ROBO2: variants seen among roughly 807,000 people sequenced by gnomAD.
ROBO2 encodes the protein roundabout homolog 2.
Under a neutral mutation model 160.8 loss-of-function variants are expected in ROBO2, and 53 were observed. That is an observed-to-expected ratio of 0.33 (90% CI 0.26 to 0.41). The LOEUF is 0.41. Ranked by LOEUF, ROBO2 falls within the 10% of genes least tolerant of loss-of-function variation. The pLI is 1.00. For missense variants in ROBO2, 1,577 were observed against 1,722.4 expected (o/e 0.92, Z 1.49); for synonymous variants, 664 against 611.7 (o/e 1.09, Z -1.26).
chr3:76,591,941 A>G (rs1170368561), intron 2 of ROBO2, among the ~76,000 whole-genome samples: 1 of 152,102 alleles, frequency 6.6e-6, no homozygotes, highest in Non-Finnish European at 1.5e-5. Flanking sequence ...AAATCCGACT[A>G]CACAGAGCTT....
chr3:76,718,821 T>TCACCAC (rs2093422390), intron 2 of ROBO2, among the ~76,000 whole-genome samples: 1 of 152,248 alleles, frequency 6.6e-6, no homozygotes, highest in Non-Finnish European at 1.5e-5. Flanking sequence ...CTTTATTCAC[T>TCACCAC]TGAAAACTGA....
At chr3:76,651,342 G>A (rs949144365) in intron 2 of ROBO2, among the ~76,000 whole-genome samples, 1 of 152,058 alleles carries the variant, frequency 6.6e-6, no homozygotes, top group African/African-American at 2.4e-5. Context: ...GTCCCTGTGA[G>A]GTATTCTAAG....
chr3:76,630,203 A>G (rs568287537), intron 2 of ROBO2, among the ~76,000 whole-genome samples: 1 of 152,260 alleles, frequency 6.6e-6, no homozygotes, highest in South Asian at 2.1e-4. Flanking sequence ...TTCCTTCCAC[A>G]TCACAAAGAT....
At chr3:77,416,063 G>A (rs916294933) in intron 2 of ROBO2, among the ~76,000 whole-genome samples, 4 of 152,146 alleles carry the variant, frequency 2.6e-5, no homozygotes, top group African/African-American at 9.6e-5. Flanking sequence ...AGAAGGATGA[G>A]ATTGCACAGA....
At chr3:77,236,762 A>T (rs1191770076) in intron 2 of ROBO2, among the ~76,000 whole-genome samples, 1 of 152,154 alleles carries the variant, frequency 6.6e-6, no homozygotes. Context: ...CCATAGTTTT[A>T]TCTTTTCCAC....
intron 2 of ROBO2, among the ~76,000 whole-genome samples, chr3:77,346,774 A>G (rs916241967): frequency 2.0e-5 from 3 of 152,012 alleles, no homozygotes; most frequent in Non-Finnish European, 4.4e-5. Flanking sequence ...TCCTCATCGG[A>G]TACCCACTTC....
At chr3:76,709,484 G>T (rs2093243063) in intron 2 of ROBO2, among the ~76,000 whole-genome samples, 1 of 152,172 alleles carries the variant, frequency 6.6e-6, no homozygotes, top group African/African-American at 2.4e-5. Flanking sequence ...ATTTTCACTT[G>T]TATCTCACCG....
intron 2 of ROBO2, among the ~76,000 whole-genome samples, chr3:76,016,164 A>G (rs1347091006): frequency 1.3e-5 from 2 of 152,132 alleles, no homozygotes; most frequent in Non-Finnish European, 2.9e-5. Context: ...GATTACCACA[A>G]TAAACATGGA....
chr3:77,454,545 G>A (rs989286181), intron 2 of ROBO2, among the ~76,000 whole-genome samples: 2 of 152,152 alleles, frequency 1.3e-5, no homozygotes, highest in African/African-American at 4.8e-5. Context: ...TGATGTTTAT[G>A]CTGTGACATC....
chr3:77,346,825 A>G (rs1040907867), intron 2 of ROBO2, among the ~76,000 whole-genome samples: 2 of 152,112 alleles, frequency 1.3e-5, no homozygotes, highest in African/African-American at 4.8e-5. Flanking sequence ...GTCCTTTTCA[A>G]TCTTCGAATC....
At chr3:76,800,100 G>T (rs1167038) in intron 2 of ROBO2, among the ~76,000 whole-genome samples, 76,059 of 152,064 alleles carry the variant, frequency 0.5, 20,136 homozygotes, top group African/African-American at 0.69. Flanking sequence ...TGACAAAGGT[G>T]TCAAGAACAT....
At chr3:77,375,928 G>T (rs552369303) in intron 2 of ROBO2, among the ~76,000 whole-genome samples, 1 of 150,246 alleles carries the variant, frequency 6.7e-6, no homozygotes, top group Admixed American at 6.6e-5. Flanking sequence ...AGCCAGAAAA[G>T]TCTAAGGTAG....
At chr3:77,156,121 C>T (rs2077986748) in intron 2 of ROBO2, among the ~76,000 whole-genome samples, 1 of 151,966 alleles carries the variant, frequency 6.6e-6, no homozygotes, top group Non-Finnish European at 1.5e-5. Context: ...ATTTCTTCAT[C>T]TCAACATCAT....
At chr3:76,732,997 G>T (rs13084922) in intron 2 of ROBO2, among the ~76,000 whole-genome samples, 81,958 of 130,214 alleles carry the variant, frequency 0.63, 24,316 homozygotes, top group African/African-American at 0.69. Flanking sequence ...CTGGGGGTGG[G>T]GGGGGGAGGT....
At chr3:77,235,077 C>A (rs1296215285) in intron 2 of ROBO2, among the ~76,000 whole-genome samples, 1 of 152,108 alleles carries the variant, frequency 6.6e-6, no homozygotes, top group Non-Finnish European at 1.5e-5. Flanking sequence ...AAGGTGCTTT[C>A]TTTATATCTT....
At chr3:76,153,752 A>G (rs950262057) in intron 2 of ROBO2, among the ~76,000 whole-genome samples, 2 of 152,150 alleles carry the variant, frequency 1.3e-5, no homozygotes, top group African/African-American at 2.4e-5. Flanking sequence ...TATGTCATCT[A>G]GAACTCAAGC....
intron 1 of ROBO2, among the ~76,000 whole-genome samples, chr3:77,043,207 A>G (rs2064272108): frequency 6.6e-6 from 1 of 152,156 alleles, no homozygotes. Flanking sequence ...TTACTCTTCC[A>G]GGATTCTATG....
chr3:77,486,405 C>A (rs1271650691), intron 4 of ROBO2, among the ~76,000 whole-genome samples: 1 of 152,172 alleles, frequency 6.6e-6, no homozygotes, highest in Non-Finnish European at 1.5e-5. Flanking sequence ...ATTCCTATTT[C>A]TCTGCGACCT....
In ROBO2 at chr3:76,956,521, C is replaced by T. The variant is rs549125476; in HGVS notation, c.110-141493C>T. ...GCAGTGAGCCGAGATCGCGCCACTG[C>T]ACTCCAGCCTGGGCGACAGAGCGAG... is the stretch of plus-strand genomic sequence containing the variant. On this transcript the variant is annotated intron_variant, in intron 2 of 26. Transcript: ENST00000487694. Among the ~76,000 whole-genome samples the T allele has an allele frequency of 5.1e-4, 75 of 148,144 alleles. 1 individual carries two copies. The highest frequency in any genetic ancestry group is 1.7e-3 in the African/African-American group (69 of 39,774).
Sources: gnomAD v4.1 joint callset for allele counts (sites outside exome capture counted in the v4.1 genomes callset) on GRCh38, gnomAD v4.1.1 for gene constraint, MANE v1.5 for transcripts, NCBI Gene and HGNC (gene_info 2026-07-23, HGNC 2026-07-21) for gene names.